The following CSMD3 variants were observed in gnomAD, a reference collection of about 807,000 sequenced individuals.
The protein encoded by CSMD3 is CUB and sushi domain-containing protein 3.
In CSMD3, 177 loss-of-function variants were observed where a neutral mutation model predicts 435.2. The ratio of observed to expected loss-of-function variants is 0.41; its 90% CI spans 0.36 to 0.46. The LOEUF (loss-of-function observed/expected upper bound fraction) is 0.46, where lower values mean the gene tolerates loss of function less well. Among genes scored for constraint, CSMD3 ranks in the 20% least tolerant of loss-of-function variants. CSMD3 has a pLI of 0.34. For missense variants in CSMD3, 4,265 were observed against 4,504.6 expected, an observed-to-expected ratio of 0.95 and a Z score of 1.52; for synonymous variants, 1,656 against 1,520.5, an observed-to-expected ratio of 1.09 and a Z score of -2.07.
chr8:112,910,702 T>C (rs2082386763), intron 10 of CSMD3, among the ~76,000 whole-genome samples: 1 of 151,884 alleles, frequency 6.6e-6, no homozygotes, highest in Non-Finnish European at 1.5e-5. Context: ...TCTTTCCTCA[T>C]TGCATGTCCT....
chr8:112,374,133 C>G (rs1828715181), intron 38 of CSMD3, among the ~76,000 whole-genome samples: 1 of 152,100 alleles, frequency 6.6e-6, no homozygotes, highest in Admixed American at 6.6e-5. Flanking sequence ...CGAATTTAAA[C>G]TCAATACTTA....
At chr8:112,445,516 C>T (rs148001932) in intron 32 of CSMD3, among the ~76,000 whole-genome samples, 175 of 152,078 alleles carry the variant, frequency 1.2e-3, no homozygotes, top group African/African-American at 3.9e-3. Flanking sequence ...GGGGAAGGTG[C>T]CACATTCTTT....
At chr8:112,956,212 T>C (rs951490774) in intron 7 of CSMD3, among the ~76,000 whole-genome samples, 1 of 152,072 alleles carries the variant, frequency 6.6e-6, no homozygotes, top group Non-Finnish European at 1.5e-5. Context: ...TCTCTCTTTA[T>C]AGTTTAAGAT....
intron 13 of CSMD3, among the ~76,000 whole-genome samples, chr8:112,692,913 ATATC>A (rs6150766): frequency 0.33 from 47,109 of 144,252 alleles, 7,677 homozygotes; most frequent in Non-Finnish European, 0.34. Context: ...ATTAATCTTT[ATATC>A]TATCTATCTA....
chr8:112,301,758 G>A (rs1335339496), intron 53 of CSMD3, 35 bp downstream of exon 53: 2 of 1,538,348 alleles, frequency 1.3e-6, no homozygotes, highest in Non-Finnish European at 1.8e-6. Flanking sequence ...GAGGGGCAGG[G>A]GGAAGTTTGA....
At chr8:112,752,158 T>C (rs1457487795) in intron 13 of CSMD3, among the ~76,000 whole-genome samples, 1 of 152,166 alleles carries the variant, frequency 6.6e-6, no homozygotes, top group African/African-American at 2.4e-5. Flanking sequence ...TTAACCTTGT[T>C]GACTATCCTC....
At chr8:112,763,147 G>A (rs932464507) in intron 13 of CSMD3, among the ~76,000 whole-genome samples, 12 of 151,428 alleles carry the variant, frequency 7.9e-5, no homozygotes, top group African/African-American at 1.5e-4. Context: ...ATATCATGTC[G>A]TAGATGATAA....
rs2130637944 is a variant in CSMD3, at chr8:112,287,258, T to A, written c.9149-12A>T. On this transcript the variant is annotated splice_polypyrimidine_tract_variant and intron_variant, in intron 57 of 70. Coordinates refer to ENST00000297405, the MANE Select transcript of CSMD3 (RefSeq NM_198123.2). ...CCCAGTAGCATCACCTGCAATGCAGTACAGTTCAAGTTAACCAATTCCCAT... is the reference window on the plus strand; with the variant it reads ...CCCAGTAGCATCACCTGCAATGCAGAACAGTTCAAGTTAACCAATTCCCAT... The A allele has an allele frequency of 6.2e-7, 1 of 1,613,150 alleles. No individual in the cohort carries two copies.
chr8:113,095,271 T>G (rs1237868250), intron 5 of CSMD3, among the ~76,000 whole-genome samples: 3 of 152,152 alleles, frequency 2.0e-5, no homozygotes, highest in African/African-American at 7.2e-5. Flanking sequence ...GGAACGTATT[T>G]TATAATAAGC....
intron 3 of CSMD3, among the ~76,000 whole-genome samples, chr8:113,205,272 C>A (rs778812498): frequency 6.6e-6 from 1 of 152,076 alleles, no homozygotes; most frequent in Non-Finnish European, 1.5e-5. Context: ...CATGAGCCAC[C>A]GTGGCCGGCA....
chr8:112,730,609 C>A (rs975716425), intron 13 of CSMD3, among the ~76,000 whole-genome samples: 3 of 152,098 alleles, frequency 2.0e-5, no homozygotes, highest in African/African-American at 7.2e-5. Context: ...TGCAACCATA[C>A]CCTGATGTTG....
chr8:112,712,389 C>A lies in CSMD3; in HGVS notation c.1973-22339G>T, dbSNP rs563664262. ...GTTTCTATTAAACAGATCTTTTTAC[C>A]GTGTAAGTGGTTGATTCATGTTAAT... On this transcript the variant is annotated intron_variant, in intron 13 of 70. Transcript: ENST00000297405. Among the ~76,000 whole-genome samples the A allele has an allele frequency of 2.0e-5, 3 of 151,904 alleles. No individual in the cohort carries two copies. In the East Asian group the frequency reaches 5.8e-4, roughly 29 times the overall value.
chr8:112,613,841 G>T (rs1833456753), intron 22 of CSMD3, among the ~76,000 whole-genome samples: 1 of 152,098 alleles, frequency 6.6e-6, no homozygotes, highest in South Asian at 2.1e-4. Context: ...TAACAGATTA[G>T]GCCAGGCATG....
intron 3 of CSMD3, among the ~76,000 whole-genome samples, chr8:113,223,789 A>G (rs560346284): frequency 2.0e-5 from 3 of 148,494 alleles, no homozygotes; most frequent in Non-Finnish European, 4.5e-5. Flanking sequence ...TGTGTCGGTA[A>G]AGTATTCATG....
rs2130713644 is a variant in CSMD3, at chr8:112,295,841, G to T, written c.8606C>A (p.Ser2869Tyr). ...TTGCCATGCTTACTTACGCACACAG[G>T]ATGGGAGCTGACCAGACCAATTGTG... ...QDHNWSGQLP[S>Y]CVPVSCGHPG... Residue 2869 changes from serine to tyrosine, a missense_variant, in exon 54 of 71, where the codon TCC becomes TAC. Ser to Tyr is a moderately radical substitution (Grantham distance 144). Around this residue, in one of 3 missense-constraint regions of CSMD3, gnomAD observed 3,255 missense variants for 3,380.2 expected, o/e 0.96. Coordinates refer to ENST00000297405, the MANE Select transcript of CSMD3 (RefSeq NM_198123.2). The T allele has an allele frequency of 6.2e-7, 1 of 1,613,804 alleles. No individual in the cohort carries two copies. Among genetic ancestry groups the T allele is most frequent in the Non-Finnish European group, 8.5e-7 (1 of 1,179,882 alleles).
chr8:113,237,191 A>T (rs2089970160), intron 3 of CSMD3, among the ~76,000 whole-genome samples: 1 of 152,198 alleles, frequency 6.6e-6, no homozygotes, highest in Non-Finnish European at 1.5e-5. Flanking sequence ...ACAATAAAGG[A>T]TGCCTAAATG....
intron 5 of CSMD3, among the ~76,000 whole-genome samples, chr8:113,037,791 CA>C (rs914949647): frequency 4.1e-5 from 6 of 148,130 alleles, no homozygotes; most frequent in African/African-American, 1.5e-4. Flanking sequence ...AAAGGCAAAA[CA>C]AAAAAAAACA....
chr8:112,712,776 G>T (rs1187205027), intron 13 of CSMD3, among the ~76,000 whole-genome samples: 2 of 142,212 alleles, frequency 1.4e-5, no homozygotes, highest in African/African-American at 5.4e-5. Flanking sequence ...GACATGCCAA[G>T]ACTGTGTAGA....
At chr8:112,710,596 G>T (rs1259375767) in intron 13 of CSMD3, among the ~76,000 whole-genome samples, 1 of 151,652 alleles carries the variant, frequency 6.6e-6, no homozygotes, top group Non-Finnish European at 1.5e-5. Flanking sequence ...TTGTATTAAG[G>T]TTTGGAGTAA....
Sources: gnomAD v4.1 joint callset for allele counts (sites outside exome capture counted in the v4.1 genomes callset) on GRCh38, gnomAD v4.1.1 for gene constraint, gnomAD v4.1.1 regional missense constraint, MANE v1.5 for transcripts, NCBI Gene and HGNC (gene_info 2026-07-23, HGNC 2026-07-21) for gene names.